The following ST8SIA5 variants were observed in gnomAD, a reference collection of about 807,000 sequenced individuals.
The protein encoded by ST8SIA5 is ST8 alpha-N-acetyl-neuraminide alpha-2,8-sialyltransferase 5.
Under a neutral mutation model 40.2 loss-of-function variants are expected in ST8SIA5, and 24 were observed. The ratio of observed to expected loss-of-function variants is 0.60; its 90% confidence interval spans 0.43 to 0.84. ST8SIA5 has a LOEUF of 0.84. Ranked by LOEUF, ST8SIA5 falls within the 40% of genes least tolerant of loss-of-function variation. The pLI is 0.00. For synonymous variants in ST8SIA5, 198 were observed against 201.8 expected, an observed-to-expected ratio of 0.98 and a Z score of 0.16; for missense variants, 465 against 498.5, an observed-to-expected ratio of 0.93 and a Z score of 0.64.
At position 46,679,828 on chromosome 18, in the gene ST8SIA5, G is replaced by T; in HGVS notation, c.*214C>A. 1.7e-6 allele frequency: 1 copy of T among 593,368 alleles called. No homozygotes were observed. Among genetic ancestry groups the T allele is most frequent in the Admixed American group, 3.1e-5 (1 of 31,932 alleles). 36.8% of individuals were successfully genotyped at this position (593,368 alleles called of 1,614,324 possible). ...GGACGCACTGGGCGGATGCACCGGT[G>T]GGGGCCAGGCCAGGAGGCTCAGCAC... On this transcript the variant is annotated 3_prime_UTR_variant, in exon 7 of 7. Transcript: ENST00000315087.
intron 1 of ST8SIA5, among the ~76,000 whole-genome samples, chr18:46,722,468 G>A (rs2039873153): frequency 6.6e-6 from 1 of 152,242 alleles, no homozygotes; most frequent in African/African-American, 2.4e-5. Flanking sequence ...GAATGCTTGG[G>A]TCACACACCC....
Position 46,721,238 on chromosome 18 carries a change from A to C in ST8SIA5, c.132-16574T>G, listed in dbSNP as rs954989904. 14 of 806,756 alleles carry C rather than the reference A, an allele frequency of 1.7e-5. No homozygotes were observed. In the East Asian group the frequency reaches 3.8e-4, roughly 22 times the overall value. 50.0% of individuals were successfully genotyped at this position (806,756 alleles called of 1,614,324 possible). A position where few individuals can be genotyped will look rare whatever the true frequency, so the allele number is the denominator to read the frequency against. On this transcript the variant is annotated intron_variant, in intron 1 of 6. Coordinates refer to ENST00000315087, the MANE Select transcript of ST8SIA5 (RefSeq NM_013305.6). Reference sequence around the variant, plus strand: ...CCAGGTGGGATACCAAAGTGCAGGGAGTTTCGAGCCACCAGAACAAGACCT... The same window carrying C: ...CCAGGTGGGATACCAAAGTGCAGGGCGTTTCGAGCCACCAGAACAAGACCT...
intron 1 of ST8SIA5, among the ~76,000 whole-genome samples, chr18:46,719,522 CAA>C (rs1257601082): frequency 6.6e-6 from 1 of 152,102 alleles, no homozygotes; most frequent in African/African-American, 2.4e-5. Context: ...GAAGGAAAGA[CAA>C]AAGATACTGG....
chr18:46,721,259 G>T (rs2039859788), intron 1 of ST8SIA5: 1 of 1,054,638 alleles, frequency 9.5e-7, no homozygotes, highest in Non-Finnish European at 1.4e-6. Flanking sequence ...ACCAGAACAA[G>T]ACCTGCTTCT....
In ST8SIA5 at chr18:46,716,023, A is replaced by G. The variant is rs753825927; in HGVS notation, c.132-11359T>C. On this transcript the variant is annotated intron_variant, in intron 1 of 6. Transcript: ENST00000315087. ...TCACCCAGCCCTGCATGAGCTGTCC[A>G]CAGCCCAGAAGGAAGAACCCCTCTA... Among the ~76,000 whole-genome samples, 4 of 152,108 alleles carry G rather than the reference A, an allele frequency of 2.6e-5. 1 individual carries two copies. The highest frequency in any genetic ancestry group is 4.2e-4 in the South Asian group (2 of 4,812).
intron 2 of ST8SIA5, among the ~76,000 whole-genome samples, chr18:46,701,684 G>C (rs921498412): frequency 1.3e-5 from 2 of 152,152 alleles, no homozygotes; most frequent in Non-Finnish European, 2.9e-5. Flanking sequence ...ATTAAGTCTT[G>C]TGTACCTTGT....
Position 46,678,887 on chromosome 18 carries a change from A to G in ST8SIA5, c.*1155T>C, listed in dbSNP as rs576189640. The G allele has an allele frequency of 1.3e-5, 2 of 152,426 alleles. No individual in the cohort carries two copies. The highest frequency in any genetic ancestry group is 3.9e-4 in the East Asian group (2 of 5,188). The allele number at this position is 152,426 out of a possible 1,614,324, so 9.4% of individuals were successfully genotyped here. The stretch of plus-strand genomic sequence containing the variant: ...GGGAATTAATTTCAGATGTGAAATG[A>G]TATGTGAACCCCTCTCTGCCTAAGC... On this transcript the variant is annotated 3_prime_UTR_variant, in exon 7 of 7. Transcript: ENST00000315087.
At position 46,721,474 on chromosome 18, in the gene ST8SIA5, C is replaced by T. The variant is rs144501368; in HGVS notation, c.132-16810G>A. On this transcript the variant is annotated intron_variant, in intron 1 of 6. Coordinates refer to ENST00000315087, the MANE Select transcript of ST8SIA5 (RefSeq NM_013305.6). ...TGCCAACCAAACTGGAGGCCTCTGG[C>T]AAGAAAACGAGGCAGTCGGTACTCA... is the stretch of plus-strand genomic sequence containing the variant. 258 of 1,535,864 alleles carry T rather than the reference C, an allele frequency of 1.7e-4. 1 individual carries two copies. The African/African-American group carries it at 3.1e-3, about 19-fold the overall frequency.
chr18:46,731,367 C>T (rs1011840373), intron 1 of ST8SIA5, among the ~76,000 whole-genome samples: 2 of 152,160 alleles, frequency 1.3e-5, no homozygotes, highest in Non-Finnish European at 1.5e-5. Context: ...GAAAACAAAA[C>T]AAGGGCAGTT....
chr18:46,741,618 G>A (rs1173557302), intron 1 of ST8SIA5, among the ~76,000 whole-genome samples: 1 of 152,090 alleles, frequency 6.6e-6, no homozygotes, highest in Non-Finnish European at 1.5e-5. Flanking sequence ...AGATCATCCT[G>A]AATAAAAATA....
At chr18:46,689,895 G>GTT (rs74172036) in intron 3 of ST8SIA5, among the ~76,000 whole-genome samples, 6 of 147,208 alleles carry the variant, frequency 4.1e-5, no homozygotes, top group East Asian at 2.0e-4. Context: ...GGCCTATAAT[G>GTT]TTTTTTTTTT....
intron 4 of ST8SIA5, among the ~76,000 whole-genome samples, chr18:46,688,416 T>C (rs328118): frequency 0.94 from 143,113 of 152,262 alleles, 67,527 homozygotes; most frequent in Non-Finnish European, 0.99. Flanking sequence ...TGCTCACAAC[T>C]TCTGCATGTG....
chr18:46,731,466 T>G (rs1356941715), intron 1 of ST8SIA5, among the ~76,000 whole-genome samples: 1 of 152,194 alleles, frequency 6.6e-6, no homozygotes, highest in East Asian at 1.9e-4. Flanking sequence ...AGCACCGGGC[T>G]CAGGGCCCCT....
intron 1 of ST8SIA5, among the ~76,000 whole-genome samples, chr18:46,729,653 G>A (rs949823764): frequency 6.6e-6 from 1 of 152,176 alleles, no homozygotes; most frequent in South Asian, 2.1e-4. Context: ...AGGCAGGGAG[G>A]GGTATGACTT....
At chr18:46,708,877 C>T (rs568063800) in intron 1 of ST8SIA5, among the ~76,000 whole-genome samples, 2 of 152,126 alleles carry the variant, frequency 1.3e-5, no homozygotes, top group East Asian at 1.9e-4. Flanking sequence ...TCCATATTTT[C>T]GTGTCTTACC....
At chr18:46,713,852 G>A (rs1436839108) in intron 1 of ST8SIA5, among the ~76,000 whole-genome samples, 1 of 152,216 alleles carries the variant, frequency 6.6e-6, no homozygotes, top group Non-Finnish European at 1.5e-5. Flanking sequence ...GTAGGTGGAA[G>A]CAAGGCCAGG....
In ST8SIA5 at chr18:46,735,290, G is replaced by A. The variant is rs558068607; in HGVS notation, c.131+21088C>T. 9.2e-5 allele frequency among the ~76,000 whole-genome samples: 14 copies of A among 152,276 alleles called. No homozygotes were observed. The South Asian group carries it at 2.3e-3, about 25-fold the overall frequency. On this transcript the variant is annotated intron_variant, in intron 1 of 6. Coordinates refer to ENST00000315087, the MANE Select transcript of ST8SIA5 (RefSeq NM_013305.6). ...TGTAGATGGCCTATTGTGGGACTTC[G>A]CTTTGTGATCATGTGAGTCAATACT... is the stretch of plus-strand genomic sequence containing the variant.
intron 1 of ST8SIA5, among the ~76,000 whole-genome samples, chr18:46,746,413 T>C (rs537676195): frequency 7.2e-4 from 110 of 152,250 alleles, no homozygotes; most frequent in African/African-American, 2.6e-3. Flanking sequence ...AGCATTCCTA[T>C]ACACAAATAA....
chr18:46,685,388 C>G (rs936576483), intron 5 of ST8SIA5, among the ~76,000 whole-genome samples: 1 of 152,210 alleles, frequency 6.6e-6, no homozygotes, highest in African/African-American at 2.4e-5. Flanking sequence ...CATGGGCAGA[C>G]TCCAGATCAC....
Sources: allele counts gnomAD v4.1 joint callset (sites outside exome capture counted in the v4.1 genomes callset), GRCh38; gene constraint gnomAD v4.1.1; transcripts MANE v1.5; gene names NCBI Gene and HGNC (gene_info 2026-07-23, HGNC 2026-07-21).